WWOX: variants seen among roughly 807,000 people sequenced by gnomAD.
WWOX encodes the protein WW domain-containing oxidoreductase.
A neutral mutation model predicts 46.2 loss-of-function variants in WWOX; 69 were observed. The observed-to-expected ratio is 1.49, with a 90% confidence interval of 1.23 to 1.82. WWOX has a LOEUF of 1.82. Ranked by LOEUF, WWOX falls within the 40% of genes most tolerant of loss-of-function variation. The probability of loss-of-function intolerance (pLI) is 0.00; values close to 1 mark genes in which losing one functional copy is unlikely to be tolerated. For synonymous variants in WWOX, 359 were observed against 202.6 expected (o/e 1.77, Z -6.56); for missense variants, 919 against 542.6 (o/e 1.69, Z -6.89).
In WWOX at chr16:78,784,928, G is replaced by A. The variant is rs375802249; in HGVS notation, c.1056+352176G>A. 2.5e-4 allele frequency among the ~76,000 whole-genome samples: 38 copies of A among 152,266 alleles called. No homozygotes were observed. The East Asian group carries it at 5.8e-3, about 23-fold the overall frequency. On this transcript the variant is annotated intron_variant, in intron 8 of 8. Transcript: ENST00000566780. ...ATACTCACAACCTATGACCACATAC[G>A]AGGAAGCGAGGTGTCCCTTTTGCAG... is the stretch of plus-strand genomic sequence containing the variant.
intron 8 of WWOX, among the ~76,000 whole-genome samples, chr16:79,144,973 C>G (rs552801097): frequency 1.3e-5 from 2 of 152,074 alleles, no homozygotes; most frequent in South Asian, 4.1e-4. Flanking sequence ...CCATCTGAGG[C>G]TTTAGGCATC....
At chr16:79,019,351 A>G (rs1408398844) in intron 8 of WWOX, among the ~76,000 whole-genome samples, 1 of 152,082 alleles carries the variant, frequency 6.6e-6, no homozygotes, top group Non-Finnish European at 1.5e-5. Context: ...CTTAGGCTGT[A>G]TGGTCTAGCC....
intron 8 of WWOX, among the ~76,000 whole-genome samples, chr16:78,945,534 C>G (rs1026798031): frequency 1.3e-5 from 2 of 152,142 alleles, no homozygotes; most frequent in Non-Finnish European, 1.5e-5. Context: ...TTTATATACC[C>G]GGCCACTTCT....
intron 8 of WWOX, among the ~76,000 whole-genome samples, chr16:78,605,758 G>A (rs2045741705): frequency 6.6e-6 from 1 of 152,174 alleles, no homozygotes; most frequent in African/African-American, 2.4e-5. Flanking sequence ...TTCATGGAAA[G>A]GATAGGAAGA....
chr16:78,986,687 G>A (rs1339864353), intron 8 of WWOX, among the ~76,000 whole-genome samples: 1 of 152,198 alleles, frequency 6.6e-6, no homozygotes, highest in Non-Finnish European at 1.5e-5. Flanking sequence ...TTAATAGAGT[G>A]TTCTGGGAGG....
chr16:79,003,596 G>T (rs996762811), intron 8 of WWOX, among the ~76,000 whole-genome samples: 1 of 152,174 alleles, frequency 6.6e-6, no homozygotes, highest in Non-Finnish European at 1.5e-5. Context: ...CAGGAGAGCT[G>T]GCCTTGGAGA....
At chr16:78,320,121 T>G (rs1450230748) in intron 5 of WWOX, among the ~76,000 whole-genome samples, 1 of 152,240 alleles carries the variant, frequency 6.6e-6, no homozygotes, top group Non-Finnish European at 1.5e-5. Flanking sequence ...AACTTAGCTT[T>G]ACTCAATGTT....
At chr16:79,195,470 G>A (rs1433583291) in intron 8 of WWOX, among the ~76,000 whole-genome samples, 1 of 152,124 alleles carries the variant, frequency 6.6e-6, no homozygotes, top group Non-Finnish European at 1.5e-5. Context: ...AGTTCCTGAG[G>A]AGGGACTCAT....
chr16:78,276,766 T>A (rs2079586226), intron 5 of WWOX, among the ~76,000 whole-genome samples: 1 of 152,150 alleles, frequency 6.6e-6, no homozygotes, highest in Non-Finnish European at 1.5e-5. Flanking sequence ...GGCAATTTGG[T>A]GAGGGACGGG....
intron 5 of WWOX, among the ~76,000 whole-genome samples, chr16:78,210,647 TG>T (rs1345785368): frequency 6.6e-6 from 1 of 152,170 alleles, no homozygotes; most frequent in East Asian, 1.9e-4. Flanking sequence ...CTTTGGGGCT[TG>T]TTTAAAGTTT....
chr16:78,462,303 G>A (rs1338465208), intron 8 of WWOX, among the ~76,000 whole-genome samples: 1 of 150,892 alleles, frequency 6.6e-6, no homozygotes, highest in Non-Finnish European at 1.5e-5. Context: ...GTCTGTGATT[G>A]ATCTTTTATT....
chr16:79,045,655 C>G (rs567974230), intron 8 of WWOX, among the ~76,000 whole-genome samples: 5 of 152,110 alleles, frequency 3.3e-5, no homozygotes, highest in African/African-American at 1.2e-4. Context: ...AGTTTTGCAT[C>G]TTGGCTCAAT....
intron 8 of WWOX, among the ~76,000 whole-genome samples, chr16:79,089,813 C>G (rs1362164001): frequency 6.6e-6 from 1 of 151,984 alleles, no homozygotes; most frequent in South Asian, 2.1e-4. Flanking sequence ...GAGAAGGAAC[C>G]TTTTCATTCC....
rs571793431 is a variant in WWOX, at chr16:78,647,490, C to T, written c.1056+214738C>T. 2.0e-5 allele frequency among the ~76,000 whole-genome samples: 3 copies of T among 152,292 alleles called. No homozygotes were observed. The East Asian group carries it at 5.8e-4, about 29-fold the overall frequency. On this transcript the variant is annotated intron_variant, in intron 8 of 8. Coordinates refer to ENST00000566780, the MANE Select transcript of WWOX (RefSeq NM_016373.4). ...CACAATGAAATCATTTGCAAAGCAC[C>T]TTGGGGTCTGTTAGAGAAGGGAATG... is the stretch of plus-strand genomic sequence containing the variant.
intron 8 of WWOX, among the ~76,000 whole-genome samples, chr16:78,627,788 G>C (rs754691292): frequency 6.6e-6 from 1 of 152,224 alleles, no homozygotes; most frequent in African/African-American, 2.4e-5. Context: ...GTGCAGAGTA[G>C]AGTATGCAGT....
rs140657412 is a variant in WWOX at position 78,699,999 on chromosome 16, C to A, written c.1056+267247C>A. On this transcript the variant is annotated intron_variant, in intron 8 of 8. Transcript: ENST00000566780. ...CTTGGGGAGGGGAGGTGGCTGGGGA[C>A]GCAGAGGGTCCTGCGGTGGGTGGAT... Among the ~76,000 whole-genome samples the A allele has an allele frequency of 2.2e-4, 33 of 151,976 alleles. 2 individuals are homozygous for A. In the East Asian group the frequency reaches 6.4e-3, roughly 30 times the overall value.
chr16:79,168,644 C>G (rs375548352), intron 8 of WWOX, among the ~76,000 whole-genome samples: 1 of 152,156 alleles, frequency 6.6e-6, no homozygotes, highest in Non-Finnish European at 1.5e-5. Flanking sequence ...CACTTGTCGA[C>G]TAGAATTTCC....
intron 8 of WWOX, among the ~76,000 whole-genome samples, chr16:78,659,107 A>G (rs1321920215): frequency 6.7e-6 from 1 of 149,990 alleles, no homozygotes; most frequent in Non-Finnish European, 1.5e-5. Flanking sequence ...AAAACAAACA[A>G]ACAAACAAAA....
intron 8 of WWOX, among the ~76,000 whole-genome samples, chr16:78,537,488 T>A (rs888598807): frequency 6.6e-6 from 1 of 152,232 alleles, no homozygotes; most frequent in African/African-American, 2.4e-5. Flanking sequence ...TCTCATTGTT[T>A]TATCGTTTTC....
Sources: gnomAD v4.1 joint callset for allele counts (sites outside exome capture counted in the v4.1 genomes callset) on GRCh38, gnomAD v4.1.1 for gene constraint, MANE v1.5 for transcripts, NCBI Gene and HGNC (gene_info 2026-07-23, HGNC 2026-07-21) for gene names.